Variants in AGAP1 observed in about 807,000 individuals in gnomAD.
AGAP1 encodes arf-GAP with GTPase, ANK repeat and PH domain-containing protein 1.
AGAP1 carries 29 observed loss-of-function variants against 105.3 expected under a neutral mutation model. That is an observed-to-expected ratio of 0.28 (90% CI 0.21 to 0.38). The LOEUF (loss-of-function observed/expected upper bound fraction) is 0.38. Ranked by LOEUF, AGAP1 falls within the 10% of genes least tolerant of loss-of-function variation. The pLI is 1.00. For missense variants in AGAP1, 998 were observed against 1,165.1 expected, an observed-to-expected ratio of 0.86 and a Z score of 2.09; for synonymous variants, 509 against 485.9, an observed-to-expected ratio of 1.05 and a Z score of -0.63.
chr2:235,769,893 G>GT lies in AGAP1; in HGVS notation c.673+19409dup, dbSNP rs143234091. On this transcript the variant is annotated intron_variant, in intron 6 of 17. Transcript: ENST00000304032. This position sits in a 1 kb window ranked among gnomAD's most constrained non-coding sequence, Gnocchi z 4.4. ...CATCCAGTCCTTTCCAAGGACTTTG[G>GT]TTTTCCAGAGTTACACTTCACATGT... Among the ~76,000 whole-genome samples the GT allele has an allele frequency of 0.014, 2,096 of 152,228 alleles. 45 individuals carry two copies. The highest frequency in any genetic ancestry group is 0.048 in the African/African-American group (1,988 of 41,536).
intron 13 of AGAP1, among the ~76,000 whole-genome samples, chr2:235,978,735 C>G (rs1337419596): frequency 6.6e-6 from 1 of 152,144 alleles, no homozygotes; most frequent in Non-Finnish European, 1.5e-5. Context: ...CTCAGAGTTG[C>G]TTCTCCCTCT....
intron 13 of AGAP1, among the ~76,000 whole-genome samples, chr2:236,015,666 C>A (rs1032689840): frequency 6.6e-6 from 1 of 152,010 alleles, no homozygotes; most frequent in Non-Finnish European, 1.5e-5. Flanking sequence ...GGGCATCGGG[C>A]GTGTGATGCA....
chr2:235,913,259 T>A (rs2051707064), intron 11 of AGAP1, among the ~76,000 whole-genome samples: 1 of 152,142 alleles, frequency 6.6e-6, no homozygotes, highest in Admixed American at 6.5e-5. Context: ...AATATATGTA[T>A]GTGTTTATGT....
rs1191972549 is a variant in AGAP1 at position 235,970,510 on chromosome 2, G to C, written c.1645+1887G>C. Among the ~76,000 whole-genome samples, 3 of 152,090 alleles carry C rather than the reference G, an allele frequency of 2.0e-5. No individual in the cohort carries two copies. The highest frequency in any genetic ancestry group is 4.1e-4 in the South Asian group (2 of 4,820). ...TCCACGCCCCTAAGGTGCACACACA[G>C]GGGCGGGCGCCAGATTCCCTTTAAG... On this transcript the variant is annotated intron_variant, in intron 13 of 17. Transcript: ENST00000304032. The surrounding 1 kb of genome is among the most constrained non-coding windows in gnomAD (Gnocchi z 5.4).
chr2:236,116,468 G>C (rs962425321), intron 16 of AGAP1, among the ~76,000 whole-genome samples: 12 of 150,842 alleles, frequency 8.0e-5, no homozygotes, highest in Non-Finnish European at 1.6e-4. Context: ...TCCTGCATCA[G>C]CCTCCTGAGT....
Position 235,494,657 on chromosome 2 carries a change from G to A in AGAP1, c.-30G>A. 1 of 1,092,540 alleles carries A rather than the reference G, an allele frequency of 9.2e-7. No individual in the cohort carries two copies. The highest frequency in any genetic ancestry group is 1.1e-6 in the Non-Finnish European group (1 of 884,550). The allele number at this position is 1,092,540 out of a possible 1,614,324, so 67.7% of individuals were successfully genotyped here. A position where few individuals can be genotyped will look rare whatever the true frequency, so the allele number is the denominator to read the frequency against. On this transcript the variant is annotated 5_prime_UTR_variant, in exon 1 of 18. Transcript: ENST00000304032. ...GGGCGCGGGGCGGCGGCGGCGGGGG[G>A]CGCGCGGCTCCGGGCGCGGCGCCTG...
intron 1 of AGAP1, among the ~76,000 whole-genome samples, chr2:235,624,700 G>T (rs11693354): frequency 0.43 from 64,889 of 151,896 alleles, 15,529 homozygotes; most frequent in African/African-American, 0.66. Context: ...GCAGGTGATA[G>T]GGTTTGGAAG....
In AGAP1 at chr2:235,934,011, T is replaced by C. The variant is rs1166187245; in HGVS notation, c.1483+3088T>C. On this transcript the variant is annotated intron_variant, in intron 12 of 17. Transcript: ENST00000304032. The surrounding 1 kb of genome is among the most constrained non-coding windows in gnomAD (Gnocchi z 4.9). ...CTGCCTTTGGTACAGAAGGATTAAA[T>C]GTCACTTGCTCAAAGTCACATCCTG... 1.3e-5 allele frequency among the ~76,000 whole-genome samples: 2 copies of C among 152,224 alleles called. No homozygotes were observed. Among genetic ancestry groups the C allele is most frequent in the African/African-American group, 4.8e-5 (2 of 41,458 alleles).
intron 1 of AGAP1, among the ~76,000 whole-genome samples, chr2:235,644,948 T>C (rs1026681907): frequency 6.6e-6 from 1 of 150,970 alleles, no homozygotes; most frequent in Admixed American, 6.6e-5. Context: ...CAGACTGGAG[T>C]GCAATGGCGC....
intron 2 of AGAP1, 139 bp downstream of exon 2, chr2:235,709,376 C>T (rs533542298): frequency 5.4e-4 from 538 of 987,826 alleles, no homozygotes; most frequent in Non-Finnish European, 7.7e-4. Flanking sequence ...TGGGAAGGGC[C>T]AGGTATAGTT....
Position 235,959,931 on chromosome 2 carries a change from TG to T in AGAP1, c.1484-8529del, listed in dbSNP as rs1324901325. Among the ~76,000 whole-genome samples the T allele has an allele frequency of 6.6e-6, 1 of 151,412 alleles. No individual in the cohort carries two copies. The highest frequency in any genetic ancestry group is 1.5e-5 in the Non-Finnish European group (1 of 67,824). Reference sequence around the variant, plus strand: ...CCACCGTAGACACCCCACCTCTGAGTGGTCAGGCGCCACTGGTTGTCTCCTT... The same window carrying T: ...CCACCGTAGACACCCCACCTCTGAGTGTCAGGCGCCACTGGTTGTCTCCTT... On this transcript the variant is annotated intron_variant, in intron 12 of 17. Coordinates refer to ENST00000304032, the MANE Select transcript of AGAP1 (RefSeq NM_001037131.3). The surrounding 1 kb of genome is among the most constrained non-coding windows in gnomAD (Gnocchi z 7.3).
chr2:235,507,706 G>C (rs1301859562), intron 1 of AGAP1: 1 of 152,220 alleles, frequency 6.6e-6, no homozygotes, highest in Non-Finnish European at 1.5e-5. Flanking sequence ...AGCCTGGAGA[G>C]TTTAAAGCCT....
intron 6 of AGAP1, among the ~76,000 whole-genome samples, chr2:235,791,351 A>C (rs1408823737): frequency 1.3e-5 from 2 of 152,100 alleles, no homozygotes; most frequent in African/African-American, 2.4e-5. Flanking sequence ...AGTGGCTTTC[A>C]TTATTTATGG....
rs1942340039 is a variant in AGAP1, at chr2:235,515,453, G to A, written c.163+20604G>A. On this transcript the variant is annotated intron_variant, in intron 1 of 17. Coordinates refer to ENST00000304032, the MANE Select transcript of AGAP1 (RefSeq NM_001037131.3). Reference sequence around the variant, plus strand: ...CAGGTCCTCAAAGGAACACTGAAAAGGTTCTCTGAAAGACAGGGGCGTAGA... The same window carrying A: ...CAGGTCCTCAAAGGAACACTGAAAAAGTTCTCTGAAAGACAGGGGCGTAGA... 2.0e-5 allele frequency among the ~76,000 whole-genome samples: 3 copies of A among 152,168 alleles called. No homozygotes were observed. In the South Asian group the frequency reaches 6.2e-4, roughly 32 times the overall value.
chr2:235,749,871 A>T (rs937779202), intron 5 of AGAP1, among the ~76,000 whole-genome samples: 3 of 152,132 alleles, frequency 2.0e-5, no homozygotes, highest in African/African-American at 7.2e-5. Context: ...TCAACAATTC[A>T]CTGGGGTATC....
chr2:235,670,148 G>C (rs1948302408), intron 1 of AGAP1: 1 of 582,338 alleles, frequency 1.7e-6, no homozygotes. Flanking sequence ...ACCCGCGGAC[G>C]CGATGCCGCG....
intron 9 of AGAP1, among the ~76,000 whole-genome samples, chr2:235,809,986 T>C (rs1162417222): frequency 6.6e-6 from 1 of 152,202 alleles, no homozygotes; most frequent in Non-Finnish European, 1.5e-5. Flanking sequence ...GAGGGCCCTA[T>C]ACCAGGCAGC....
intron 13 of AGAP1, among the ~76,000 whole-genome samples, chr2:235,968,971 C>G (rs995759450): frequency 6.6e-6 from 1 of 152,186 alleles, no homozygotes; most frequent in Non-Finnish European, 1.5e-5. Context: ...GGCCATGCTG[C>G]GTGACTCTGC....
intron 16 of AGAP1, among the ~76,000 whole-genome samples, chr2:236,103,743 G>A (rs1189036873): frequency 3.3e-5 from 5 of 151,952 alleles, no homozygotes. Flanking sequence ...CTAAATTTTT[G>A]TATTTAGTAG....
Sources: gnomAD v4.1 joint callset for allele counts (sites outside exome capture counted in the v4.1 genomes callset) on GRCh38, gnomAD v4.1.1 for gene constraint, Gnocchi (gnomAD v3.1) non-coding constraint, MANE v1.5 for transcripts, NCBI Gene and HGNC (gene_info 2026-07-23, HGNC 2026-07-21) for gene names.